Variants in HERC4 observed in about 807,000 individuals in gnomAD.
The protein encoded by HERC4 is probable E3 ubiquitin-protein ligase HERC4.
Under a neutral mutation model 124.3 loss-of-function variants are expected in HERC4, and 28 were observed. The observed-to-expected ratio is 0.23, with a 90% CI of 0.17 to 0.31. The LOEUF is 0.31. Ranked by LOEUF, HERC4 falls within the 10% of genes least tolerant of loss-of-function variation. The pLI, the probability that HERC4 is intolerant of heterozygous loss-of-function variation, is 1.00. For missense variants in HERC4, 713 were observed against 1,229.3 expected (o/e 0.58, Z 6.28); for synonymous variants, 407 against 421.5 (o/e 0.97, Z 0.42).
intron 8 of HERC4, among the ~76,000 whole-genome samples, chr10:68,015,976 G>A (rs1365942293): frequency 3.3e-5 from 5 of 152,040 alleles, no homozygotes; most frequent in African/African-American, 4.8e-5. Flanking sequence ...GGTGGCATGC[G>A]CCTGTAGTCC....
chr10:67,985,141 C>T (rs1447405955), intron 15 of HERC4, among the ~76,000 whole-genome samples: 1 of 152,190 alleles, frequency 6.6e-6, no homozygotes, highest in Non-Finnish European at 1.5e-5. Flanking sequence ...TTCATAGTTA[C>T]ATGCCCTCCC....
At chr10:67,967,908 G>A (rs916566103) in intron 15 of HERC4, among the ~76,000 whole-genome samples, 5 of 19,118 alleles carry the variant, frequency 2.6e-4, no homozygotes, top group Admixed American at 1.0e-3. Context: ...CAAGGTAGCA[G>A]GGATTGAAAA....
At chr10:67,955,767 G>T (rs774786919) in intron 17 of HERC4, 5 of 152,196 alleles carry the variant, frequency 3.3e-5, no homozygotes, top group Middle Eastern at 3.4e-3. Flanking sequence ...GCGAAACTCC[G>T]TCTCAAAAAT....
intron 4 of HERC4, among the ~76,000 whole-genome samples, chr10:68,042,068 G>A (rs1358121933): frequency 1.3e-5 from 2 of 152,134 alleles, no homozygotes; most frequent in Non-Finnish European, 2.9e-5. Flanking sequence ...TTAGGCTGGA[G>A]TGCAGTGGTG....
intron 3 of HERC4, among the ~76,000 whole-genome samples, chr10:68,056,669 G>T (rs1031551020): frequency 6.6e-6 from 1 of 152,152 alleles, no homozygotes; most frequent in African/African-American, 2.4e-5. Context: ...GAATTAATAA[G>T]AATGAACTGG....
At chr10:67,923,702 T>C (rs1232181004) in intron 24 of HERC4, among the ~76,000 whole-genome samples, 2 of 151,914 alleles carry the variant, frequency 1.3e-5, no homozygotes, top group Non-Finnish European at 2.9e-5. Context: ...GGGAGCACAG[T>C]CACCAAGCCC....
intron 9 of HERC4, among the ~76,000 whole-genome samples, chr10:68,012,285 A>G (rs2133107101): frequency 6.6e-6 from 1 of 152,308 alleles, no homozygotes; most frequent in East Asian, 1.9e-4. Flanking sequence ...AAGTTGCATT[A>G]ACAACTTGGA....
intron 9 of HERC4, among the ~76,000 whole-genome samples, chr10:68,001,986 G>A (rs1342046714): frequency 6.6e-6 from 1 of 151,784 alleles, no homozygotes; most frequent in Admixed American, 6.6e-5. Context: ...CCACCTTTTG[G>A]CTATAATGTA....
chr10:68,025,239 A>C (rs2038839305), intron 8 of HERC4, among the ~76,000 whole-genome samples: 1 of 152,096 alleles, frequency 6.6e-6, no homozygotes, highest in Admixed American at 6.5e-5. Flanking sequence ...AAGGAAAGAA[A>C]AGAAAAGAAA....
intron 3 of HERC4, among the ~76,000 whole-genome samples, chr10:68,060,756 C>A (rs961018026): frequency 1.3e-5 from 2 of 152,102 alleles, no homozygotes; most frequent in Admixed American, 1.3e-4. Context: ...TACCTAGTAA[C>A]TCTTCAAAAT....
intron 7 of HERC4, among the ~76,000 whole-genome samples, chr10:68,028,017 A>G (rs58774283): frequency 0.079 from 11,689 of 147,848 alleles, 1,214 homozygotes; most frequent in African/African-American, 0.24. Flanking sequence ...TAATAAAAAT[A>G]AGTCAAAGTG....
intron 14 of HERC4, 147 bp from the exon 15 acceptor site, chr10:67,988,982 C>A: frequency 1.6e-6 from 1 of 622,410 alleles, no homozygotes; most frequent in South Asian, 2.0e-5. Context: ...TCTTATGTAA[C>A]ATTTGTAAGG....
intron 4 of HERC4, among the ~76,000 whole-genome samples, chr10:68,041,096 A>G (rs2039744670): frequency 6.6e-6 from 1 of 152,052 alleles, no homozygotes; most frequent in Non-Finnish European, 1.5e-5. Context: ...CAATATAGGC[A>G]GAAATCAGGC....
Position 67,976,845 on chromosome 10 carries a change from G to A in HERC4, c.1807-10043C>T, listed in dbSNP as rs115705343. On this transcript the variant is annotated intron_variant, in intron 15 of 24. Coordinates refer to ENST00000373700, the MANE Select transcript of HERC4 (RefSeq NM_015601.4). ...CTTAGCTGACTCCTGTCCACAGAGG[G>A]AGCATTAAAACCCAGCCCTAGCCAG... Among the ~76,000 whole-genome samples the A allele has an allele frequency of 5.4e-3, 821 of 152,302 alleles. 7 individuals carry two copies. Among genetic ancestry groups the A allele is most frequent in the African/African-American group, 0.019 (787 of 41,562 alleles).
chr10:68,034,251 A>T, intron 5 of HERC4, 65 bp from the exon 6 acceptor site: 1 of 1,164,268 alleles, frequency 8.6e-7, no homozygotes, highest in Non-Finnish European at 1.3e-6. Context: ...TTTGAAAATA[A>T]TCATTTCATT....
chr10:68,037,521 A>G (rs1448227720), intron 5 of HERC4, among the ~76,000 whole-genome samples: 3 of 152,224 alleles, frequency 2.0e-5, no homozygotes, highest in Admixed American at 6.5e-5. Flanking sequence ...AAGCTAATAA[A>G]TATGATGTTT....
At chr10:68,020,401 A>G (rs1038172074) in intron 8 of HERC4, among the ~76,000 whole-genome samples, 6 of 152,090 alleles carry the variant, frequency 3.9e-5, no homozygotes, top group Non-Finnish European at 4.4e-5. Context: ...TCAAAGAACT[A>G]GAGTAAGACG....
At chr10:67,924,306 A>G (rs188839083) in intron 24 of HERC4, among the ~76,000 whole-genome samples, 182 of 152,314 alleles carry the variant, frequency 1.2e-3, no homozygotes, top group Non-Finnish European at 2.3e-3. Context: ...TGTGTCACTT[A>G]ACGATGATGA....
At chr10:68,031,047 G>T (rs2039176442) in intron 7 of HERC4, among the ~76,000 whole-genome samples, 1 of 151,956 alleles carries the variant, frequency 6.6e-6, no homozygotes, top group African/African-American at 2.4e-5. Flanking sequence ...CTTAAATAAA[G>T]GGAAAATAAA....
Sources: gnomAD v4.1 joint callset for allele counts (sites outside exome capture counted in the v4.1 genomes callset) on GRCh38, gnomAD v4.1.1 for gene constraint, MANE v1.5 for transcripts, NCBI Gene and HGNC (gene_info 2026-07-23, HGNC 2026-07-21) for gene names.